FTCDNL1: variants seen among roughly 807,000 people sequenced by gnomAD.
The protein encoded by FTCDNL1 is formiminotransferase cyclodeaminase N-terminal like, also known as formiminotransferase N-terminal subdomain-containing protein.
A neutral mutation model predicts 5.9 loss-of-function variants in FTCDNL1; 11 were observed. The ratio of observed to expected loss-of-function variants is 1.87; its 90% CI spans 1.18 to 3.10. The LOEUF (loss-of-function observed/expected upper bound fraction) is 3.10, where lower values mean the gene tolerates loss of function less well. Ranked by LOEUF, FTCDNL1 falls within the 30% of genes most tolerant of loss-of-function variation. The pLI is 0.00. For missense variants in FTCDNL1, 115 were observed against 65.5 expected, an observed-to-expected ratio of 1.76 and a Z score of -2.61; for synonymous variants, 58 against 24.8, an observed-to-expected ratio of 2.34 and a Z score of -3.99.
chr2:199,778,132 T>C (rs1300016064), intron 3 of FTCDNL1, among the ~76,000 whole-genome samples: 1 of 152,138 alleles, frequency 6.6e-6, no homozygotes, highest in Non-Finnish European at 1.5e-5. Flanking sequence ...GTTGAAGCTA[T>C]CACCATACAC....
At chr2:199,754,697 C>G in the FTCDNL1 span, among the ~76,000 whole-genome samples, 1 of 152,174 alleles carries the variant, frequency 6.6e-6, no homozygotes, top group Non-Finnish European at 1.5e-5. Context: ...ACTCTTCCCA[C>G]AAGAGTGAAT....
At position 199,810,080 on chromosome 2, in the gene FTCDNL1, C is replaced by T. The variant is rs1700950141; in HGVS notation, c.*2625G>A. On this transcript the variant is annotated 3_prime_UTR_variant, in exon 5 of 5. Coordinates refer to ENST00000420128, the MANE Select transcript of FTCDNL1 (RefSeq NM_001363886.2). The stretch of plus-strand genomic sequence containing the variant: ...GAGCTCGAACTTTCCAAAATACCAA[C>T]AGAGAAAGAAAAGCACGGTTAAGAG... 6.6e-6 allele frequency among the ~76,000 whole-genome samples: 1 copy of T among 151,626 alleles called. No homozygotes were observed. Among genetic ancestry groups the T allele is most frequent in the Admixed American group, 6.6e-5 (1 of 15,204 alleles).
chr2:199,806,556 T>C (rs889578175), downstream of FTCDNL1, among the ~76,000 whole-genome samples: 1 of 152,242 alleles, frequency 6.6e-6, no homozygotes, highest in African/African-American at 2.4e-5. Flanking sequence ...GGTCCTTTGT[T>C]GACCACGGAC....
At chr2:199,690,217 G>T in the FTCDNL1 span, among the ~76,000 whole-genome samples, 18 of 152,156 alleles carry the variant, frequency 1.2e-4, no homozygotes, top group Non-Finnish European at 2.5e-4. Context: ...AGTACATTGG[G>T]GTTTCCACTG....
chr2:199,815,391 A>G (rs1407025389), intron 4 of FTCDNL1, among the ~76,000 whole-genome samples: 3 of 152,162 alleles, frequency 2.0e-5, no homozygotes, highest in Non-Finnish European at 4.4e-5. Flanking sequence ...GTGCAAATTA[A>G]TTTGTCCTGG....
chr2:199,744,060 C>G, the FTCDNL1 span, among the ~76,000 whole-genome samples: 1 of 152,200 alleles, frequency 6.6e-6, no homozygotes, highest in Non-Finnish European at 1.5e-5. Flanking sequence ...AATAATGGTG[C>G]TCTAAATAGG....
chr2:199,803,793 G>A (rs1188358569), intron 3 of FTCDNL1, among the ~76,000 whole-genome samples: 3 of 152,120 alleles, frequency 2.0e-5, no homozygotes, highest in Non-Finnish European at 2.9e-5. Context: ...TTAGGGCAGT[G>A]GTATAAACCT....
downstream of FTCDNL1, among the ~76,000 whole-genome samples, chr2:199,807,191 A>G (rs1191049407): frequency 6.6e-6 from 1 of 152,212 alleles, no homozygotes; most frequent in East Asian, 1.9e-4. Context: ...GTTCCTGCAG[A>G]GGAAGAGCTG....
intron 3 of FTCDNL1, among the ~76,000 whole-genome samples, chr2:199,831,624 A>G (rs1369342208): frequency 6.6e-6 from 1 of 152,198 alleles, no homozygotes; most frequent in Admixed American, 6.6e-5. Context: ...TGGTTTATAC[A>G]TGTATGTAAG....
chr2:199,735,290 G>A, the FTCDNL1 span, among the ~76,000 whole-genome samples: 1 of 152,112 alleles, frequency 6.6e-6, no homozygotes, highest in South Asian at 2.1e-4. Flanking sequence ...CCCACATGTT[G>A]GAGAAGGAAG....
intron 2 of FTCDNL1, among the ~76,000 whole-genome samples, chr2:199,847,267 C>T (rs2076755992): frequency 6.6e-6 from 1 of 151,548 alleles, no homozygotes; most frequent in Admixed American, 6.6e-5. Flanking sequence ...AAATAAATGC[C>T]TTTAAAATAT....
intron 3 of FTCDNL1, among the ~76,000 whole-genome samples, chr2:199,800,407 C>T (rs918277275): frequency 1.1e-4 from 16 of 152,138 alleles, no homozygotes; most frequent in Middle Eastern, 3.2e-3. Context: ...ACTCAGCACA[C>T]GGCCAGGTCC....
the FTCDNL1 span, among the ~76,000 whole-genome samples, chr2:199,709,021 G>C: frequency 7.2e-5 from 11 of 152,176 alleles, no homozygotes; most frequent in South Asian, 2.3e-3. Flanking sequence ...TGTTCCCCAA[G>C]TGAAAATCTA....
downstream of FTCDNL1, among the ~76,000 whole-genome samples, chr2:199,805,849 G>A (rs755032798): frequency 2.0e-5 from 3 of 151,702 alleles, no homozygotes; most frequent in Admixed American, 6.6e-5. Context: ...AGCCTGGGAC[G>A]TCAAGGCTGC....
the FTCDNL1 span, among the ~76,000 whole-genome samples, chr2:199,707,834 C>T: frequency 6.6e-6 from 1 of 152,044 alleles, no homozygotes; most frequent in Non-Finnish European, 1.5e-5. Flanking sequence ...TTCATCTATA[C>T]ACAATGCACT....
chr2:199,750,326 C>T, the FTCDNL1 span, among the ~76,000 whole-genome samples: 1 of 150,110 alleles, frequency 6.7e-6, no homozygotes, highest in East Asian at 2.0e-4. Context: ...CCACTACGCT[C>T]CAGCCTGGGT....
chr2:199,829,072 C>A (rs993918737), intron 3 of FTCDNL1, among the ~76,000 whole-genome samples: 3 of 152,130 alleles, frequency 2.0e-5, no homozygotes, highest in African/African-American at 7.2e-5. Flanking sequence ...TTAGACAAGG[C>A]ATATATATGA....
intron 3 of FTCDNL1, among the ~76,000 whole-genome samples, chr2:199,784,463 T>C (rs1227534335): frequency 6.6e-6 from 1 of 152,200 alleles, no homozygotes; most frequent in African/African-American, 2.4e-5. Context: ...AAATCCCTGT[T>C]GTAGATCGTG....
intron 3 of FTCDNL1, among the ~76,000 whole-genome samples, chr2:199,821,617 A>T (rs972863869): frequency 6.6e-6 from 1 of 151,646 alleles, no homozygotes; most frequent in African/African-American, 2.4e-5. Context: ...GGAACCCGCT[A>T]CCACACCTGG....
Sources: gnomAD v4.1 joint callset for allele counts (sites outside exome capture counted in the v4.1 genomes callset) on GRCh38, gnomAD v4.1.1 for gene constraint, MANE v1.5 for transcripts, NCBI Gene and HGNC (gene_info 2026-07-23, HGNC 2026-07-21) for gene names.